SCAPER: variants seen among roughly 807,000 people sequenced by gnomAD.
SCAPER encodes S phase cyclin A-associated protein in the endoplasmic reticulum.
Under a neutral mutation model 182.2 loss-of-function variants are expected in SCAPER, and 98 were observed. The observed-to-expected ratio is 0.54, with a 90% CI of 0.46 to 0.64. The LOEUF is 0.64. Among genes scored for constraint, SCAPER ranks in the 30% least tolerant of loss-of-function variants. The probability of loss-of-function intolerance (pLI) is 0.00; values close to 1 mark genes in which losing one functional copy is unlikely to be tolerated. For synonymous variants in SCAPER, 605 were observed against 564.6 expected (o/e 1.07, Z -1.01); for missense variants, 1,432 against 1,690.0 (o/e 0.85, Z 2.68).
intron 22 of SCAPER, among the ~76,000 whole-genome samples, chr15:76,606,686 G>A (rs2145866261): frequency 6.6e-6 from 1 of 151,782 alleles, no homozygotes; most frequent in Admixed American, 6.6e-5. Context: ...CTTGCTTTAT[G>A]AATCTGGGTG....
At chr15:76,615,496 C>G (rs1025020769) in intron 22 of SCAPER, among the ~76,000 whole-genome samples, 3 of 23,258 alleles carry the variant, frequency 1.3e-4, no homozygotes, top group Admixed American at 1.4e-3. Flanking sequence ...CACACAGACA[C>G]ACACACACAC....
At chr15:76,732,949 T>C (rs1291120860) in intron 16 of SCAPER, among the ~76,000 whole-genome samples, 1 of 152,182 alleles carries the variant, frequency 6.6e-6, no homozygotes, top group East Asian at 1.9e-4. Context: ...CACTTGACCT[T>C]ACGTATCATT....
chr15:76,605,617 C>A (rs1004168461), intron 22 of SCAPER, among the ~76,000 whole-genome samples: 4 of 152,136 alleles, frequency 2.6e-5, no homozygotes, highest in East Asian at 1.9e-4. Flanking sequence ...CCTCTTTGTA[C>A]CTCTGGTAGA....
At chr15:76,628,065 T>G (rs2052753062) in intron 21 of SCAPER, among the ~76,000 whole-genome samples, 2 of 152,236 alleles carry the variant, frequency 1.3e-5, no homozygotes, top group Admixed American at 1.3e-4. Context: ...TCTTCATATG[T>G]TTGTTGGCCG....
chr15:76,628,844 A>T (rs143469538), intron 21 of SCAPER, among the ~76,000 whole-genome samples: 104 of 152,240 alleles, frequency 6.8e-4, no homozygotes, highest in African/African-American at 2.5e-3. Context: ...TAGCTTTGAA[A>T]CTATAAATTA....
intron 17 of SCAPER, among the ~76,000 whole-genome samples, chr15:76,726,462 A>G (rs1158975748): frequency 6.6e-6 from 1 of 151,874 alleles, no homozygotes; most frequent in African/African-American, 2.4e-5. Context: ...CTCTTCAAAA[A>G]AAAACCAATA....
chr15:76,463,971 T>C (rs2142990004), intron 25 of SCAPER, among the ~76,000 whole-genome samples: 1 of 150,918 alleles, frequency 6.6e-6, no homozygotes, highest in Middle Eastern at 3.4e-3. Flanking sequence ...AGCTTATCCA[T>C]CTATTTTCAC....
chr15:76,734,386 T>C (rs1190123751), intron 15 of SCAPER, among the ~76,000 whole-genome samples: 1 of 152,152 alleles, frequency 6.6e-6, no homozygotes, highest in Non-Finnish European at 1.5e-5. Flanking sequence ...GAGACAACTG[T>C]CTTTGACAGC....
intron 6 of SCAPER, among the ~76,000 whole-genome samples, chr15:76,801,829 A>C (rs561482498): frequency 6.6e-5 from 10 of 152,104 alleles, no homozygotes; most frequent in African/African-American, 2.4e-4. Flanking sequence ...CTGAGGCTTA[A>C]AAGTGGAAGG....
In SCAPER at chr15:76,348,144, A is replaced by T. The variant is rs2141596533; in HGVS notation, c.*489T>A. The T allele has an allele frequency of 6.6e-6, 1 of 152,522 alleles. No individual in the cohort carries two copies. The highest frequency in any genetic ancestry group is 2.4e-5 in the African/African-American group (1 of 41,592). 9.4% of individuals were successfully genotyped at this position (152,522 alleles called of 1,614,324 possible). On this transcript the variant is annotated 3_prime_UTR_variant, in exon 32 of 32. Coordinates refer to ENST00000563290, the MANE Select transcript of SCAPER (RefSeq NM_020843.4). Reference sequence around the variant, plus strand: ...ACATATTATGTAGTCAGAATGCAAAAGTGTTGCAAATATCTTTACCGTAGA... The same window carrying T: ...ACATATTATGTAGTCAGAATGCAAATGTGTTGCAAATATCTTTACCGTAGA...
At chr15:76,532,931 T>TA (rs2144581590) in intron 23 of SCAPER, among the ~76,000 whole-genome samples, 1 of 152,284 alleles carries the variant, frequency 6.6e-6, no homozygotes, top group African/African-American at 2.4e-5. Flanking sequence ...ATTTAACACT[T>TA]ATTTAGCCCT....
intron 23 of SCAPER, among the ~76,000 whole-genome samples, chr15:76,539,119 T>C (rs1597278611): frequency 6.6e-6 from 1 of 151,152 alleles, no homozygotes; most frequent in Non-Finnish European, 1.5e-5. Flanking sequence ...TTTTGAAAGA[T>C]TCAATAATAG....
At chr15:76,679,741 A>G (rs189923014) in intron 20 of SCAPER, among the ~76,000 whole-genome samples, 1 of 147,324 alleles carries the variant, frequency 6.8e-6, no homozygotes, top group Admixed American at 6.6e-5. Context: ...GACAATTACA[A>G]ATACTCCATC....
intron 2 of SCAPER, among the ~76,000 whole-genome samples, chr15:76,878,074 T>A (rs773415219): frequency 3.3e-5 from 5 of 152,156 alleles, no homozygotes; most frequent in Non-Finnish European, 4.4e-5. Flanking sequence ...TAGATATGTG[T>A]ATATGGATGT....
rs1315486311 is a variant in SCAPER at position 76,771,752 on chromosome 15, T to G, written c.1238A>C (p.Asp413Ala). ...GTTAGCAGCACTCACATTTGAAATA[T>G]CTGAAGGGTCCATTTCATTTTCTAT... Reference protein sequence around the residue: ...ARIENEMDPSDISNSMAEVLA... With the variant: ...ARIENEMDPSAISNSMAEVLA... Residue 413 changes from aspartate to alanine, a missense_variant, in exon 10 of 32, where the codon GAT (aspartate) becomes GCT (alanine). This residue lies in a region of SCAPER where 480 missense variants were observed against 510.2 expected (regional missense o/e 0.94). Coordinates refer to ENST00000563290, the MANE Select transcript of SCAPER (RefSeq NM_020843.4). The G allele has an allele frequency of 6.2e-7, 1 of 1,612,454 alleles. No homozygotes were observed. The highest frequency in any genetic ancestry group is 8.5e-7 in the Non-Finnish European group (1 of 1,179,006).
intron 8 of SCAPER, among the ~76,000 whole-genome samples, chr15:76,794,920 G>A (rs915794169): frequency 6.6e-6 from 1 of 152,060 alleles, no homozygotes; most frequent in Non-Finnish European, 1.5e-5. Flanking sequence ...ATCAAGTATT[G>A]AACAGCTGAA....
intron 5 of SCAPER, among the ~76,000 whole-genome samples, chr15:76,819,058 A>G (rs1048999959): frequency 2.6e-5 from 4 of 152,216 alleles, no homozygotes; most frequent in Non-Finnish European, 5.9e-5. Context: ...CACCATTGCC[A>G]AGACTTGAGT....
intron 18 of SCAPER, among the ~76,000 whole-genome samples, chr15:76,704,374 G>A (rs945416273): frequency 1.3e-5 from 2 of 152,152 alleles, no homozygotes; most frequent in Non-Finnish European, 2.9e-5. Flanking sequence ...TGCTTTTGGT[G>A]TTTTAGACAT....
intron 22 of SCAPER, among the ~76,000 whole-genome samples, chr15:76,576,323 C>T (rs2459360): frequency 0.13 from 20,365 of 152,118 alleles, 1,410 homozygotes; most frequent in African/African-American, 0.17. Context: ...TACAACACTG[C>T]GCTTCAGCCC....
Sources: allele counts gnomAD v4.1 joint callset (sites outside exome capture counted in the v4.1 genomes callset), GRCh38; gene constraint gnomAD v4.1.1; regional missense constraint gnomAD v4.1.1; transcripts MANE v1.5; gene names NCBI Gene and HGNC (gene_info 2026-07-23, HGNC 2026-07-21).